Variants in CFAP54 observed in about 807,000 individuals in gnomAD.
CFAP54 encodes the protein cilia and flagella associated protein 54, also known as cilia- and flagella-associated protein 54.
Under a neutral mutation model 370.4 loss-of-function variants are expected in CFAP54, and 290 were observed. The ratio of observed to expected loss-of-function variants is 0.78; its 90% CI spans 0.71 to 0.86. The LOEUF is 0.86. Ranked by LOEUF, CFAP54 falls within the 40% of genes least tolerant of loss-of-function variation. The pLI, the probability that CFAP54 is intolerant of heterozygous loss-of-function variation, is 0.00. For synonymous variants in CFAP54, 1,206 were observed against 1,236.5 expected (o/e 0.98, Z 0.52); for missense variants, 3,399 against 3,528.7 (o/e 0.96, Z 0.93).
chr12:96,521,838 T>A lies in CFAP54; in HGVS notation c.943-19T>A. 6.8e-7 allele frequency: 1 copy of A among 1,467,068 alleles called. No homozygotes were observed. The highest frequency in any genetic ancestry group is 9.1e-7 in the Non-Finnish European group (1 of 1,093,418). 90.9% of individuals were successfully genotyped at this position (1,467,068 alleles called of 1,614,324 possible). On this transcript the variant is annotated intron_variant, in intron 6 of 67. Transcript: ENST00000524981. ...CTATATTCTGATTTATGAATTAAATTTATTTTAATCACATGTAGGCATTTG... is the reference window on the plus strand; with the variant it reads ...CTATATTCTGATTTATGAATTAAATATATTTTAATCACATGTAGGCATTTG...
intron 26 of CFAP54, among the ~76,000 whole-genome samples, chr12:96,601,817 T>G (rs902915594): frequency 5.3e-5 from 8 of 152,342 alleles, no homozygotes; most frequent in African/African-American, 1.9e-4. Flanking sequence ...CTTTATCATT[T>G]TTTATTGCAT....
At chr12:96,667,897 C>A (rs550730659) in intron 39 of CFAP54, among the ~76,000 whole-genome samples, 3 of 152,166 alleles carry the variant, frequency 2.0e-5, no homozygotes, top group Non-Finnish European at 4.4e-5. Flanking sequence ...TTAGAAATTT[C>A]TTCTGCCAGA....
At chr12:96,753,683 G>A in intron 55 of CFAP54, 60 bp from the exon 56 acceptor site, 1 of 1,526,730 alleles carries the variant, frequency 6.5e-7, no homozygotes. Context: ...GTAACTTGGA[G>A]GCTTGTTATA....
At chr12:96,586,540 T>C (rs1956077558) in intron 22 of CFAP54, among the ~76,000 whole-genome samples, 2 of 152,096 alleles carry the variant, frequency 1.3e-5, no homozygotes, top group Admixed American at 1.3e-4. Context: ...AATGGCTCTC[T>C]GGGGGAAGAG....
chr12:96,511,787 A>G (rs1955172449), intron 4 of CFAP54, among the ~76,000 whole-genome samples: 1 of 152,248 alleles, frequency 6.6e-6, no homozygotes, highest in Non-Finnish European at 1.5e-5. Flanking sequence ...CCTGGCCATC[A>G]GAAACTTAAA....
At chr12:96,635,957 T>C (rs1281848674) in intron 32 of CFAP54, among the ~76,000 whole-genome samples, 1 of 152,102 alleles carries the variant, frequency 6.6e-6, no homozygotes, top group African/African-American at 2.4e-5. Context: ...AGTTCAAGAC[T>C]TTTCATAACC....
At chr12:96,603,497 T>C (rs1168142235) in intron 26 of CFAP54, among the ~76,000 whole-genome samples, 1 of 152,230 alleles carries the variant, frequency 6.6e-6, no homozygotes, top group Non-Finnish European at 1.5e-5. Context: ...ATTTGAATGT[T>C]GGACTGCCTT....
At position 96,538,613 on chromosome 12, in the gene CFAP54, C is replaced by T. The variant is rs143500614; in HGVS notation, c.1926+95C>T. 3.9e-6 allele frequency: 5 copies of T among 1,270,824 alleles called. No individual in the cohort carries two copies. The African/African-American group carries it at 4.5e-5, about 11-fold the overall frequency. The allele number at this position is 1,270,824 out of a possible 1,614,324, so 78.7% of individuals were successfully genotyped here. On this transcript the variant is annotated intron_variant, in intron 13 of 67. Transcript: ENST00000524981. Reference sequence around the variant, plus strand: ...AAATCTAAATTTTTCCTATTTTTCACCTGGTTAATGACTTTCATTTGCATA... The same window carrying T: ...AAATCTAAATTTTTCCTATTTTTCATCTGGTTAATGACTTTCATTTGCATA...
At chr12:96,503,082 CTCTT>C (rs781188452) in intron 2 of CFAP54, among the ~76,000 whole-genome samples, 29 of 128,568 alleles carry the variant, frequency 2.3e-4, no homozygotes, top group African/African-American at 4.5e-4. Context: ...TTCTTTCTTT[CTCTT>C]TCTTTCTTTC....
At chr12:96,612,453 A>G (rs570958393) in intron 26 of CFAP54, among the ~76,000 whole-genome samples, 2 of 152,354 alleles carry the variant, frequency 1.3e-5, no homozygotes, top group East Asian at 1.9e-4. Context: ...TGTAAAGACC[A>G]TCGATGCTAG....
At chr12:96,759,453 A>G (rs1958309716) in intron 58 of CFAP54, among the ~76,000 whole-genome samples, 1 of 152,224 alleles carries the variant, frequency 6.6e-6, no homozygotes, top group African/African-American at 2.4e-5. Context: ...ATTCCTTACA[A>G]TATGATCATT....
chr12:96,790,964 A>G (rs1958685438), intron 62 of CFAP54, among the ~76,000 whole-genome samples: 1 of 152,204 alleles, frequency 6.6e-6, no homozygotes, highest in Non-Finnish European at 1.5e-5. Context: ...GTCATATTAT[A>G]TCTTGAATAG....
chr12:96,591,910 A>ATTT (rs11285595), intron 23 of CFAP54, among the ~76,000 whole-genome samples: 1 of 137,932 alleles, frequency 7.2e-6, no homozygotes. Flanking sequence ...AAAAAGAAAT[A>ATTT]TTTTTTTTTT....
At chr12:96,535,421 CA>C in intron 11 of CFAP54, 93 bp from the exon 12 acceptor site, 2 of 674,958 alleles carry the variant, frequency 3.0e-6, no homozygotes, top group East Asian at 5.5e-5. Context: ...TCATTTGTGT[CA>C]TTTTTTTAGC....
At chr12:96,506,791 TG>T (rs1592819578) in intron 3 of CFAP54, 136 bp from the exon 4 acceptor site, 1 of 622,520 alleles carries the variant, frequency 1.6e-6, no homozygotes, top group East Asian at 3.1e-5. Flanking sequence ...TTCATCATGT[TG>T]GCCAGGCTGG....
chr12:96,723,818 TCCCTCCC>T (rs1272870248), intron 50 of CFAP54, among the ~76,000 whole-genome samples: 2 of 113,022 alleles, frequency 1.8e-5, no homozygotes, highest in African/African-American at 6.8e-5. Context: ...CCTAATGCTA[TCCCTCCC>T]CCCTCCCCCC....
intron 65 of CFAP54, among the ~76,000 whole-genome samples, chr12:96,823,751 G>T (rs1279913992): frequency 6.6e-6 from 1 of 152,172 alleles, no homozygotes; most frequent in Non-Finnish European, 1.5e-5. Flanking sequence ...TGGATAAATG[G>T]TGAAAGGATT....
intron 50 of CFAP54, among the ~76,000 whole-genome samples, chr12:96,732,648 CTT>C (rs1290712783): frequency 6.6e-6 from 1 of 152,116 alleles, no homozygotes; most frequent in Non-Finnish European, 1.5e-5. Flanking sequence ...CGACGGAGCT[CTT>C]TTGGGTTCTC....
intron 15 of CFAP54, among the ~76,000 whole-genome samples, chr12:96,549,901 C>A (rs1955677415): frequency 6.6e-6 from 1 of 152,112 alleles, no homozygotes; most frequent in South Asian, 2.1e-4. Context: ...ATTCGCAATT[C>A]ATAAGTTCAC....
Sources: gnomAD v4.1 joint callset for allele counts (sites outside exome capture counted in the v4.1 genomes callset) on GRCh38, gnomAD v4.1.1 for gene constraint, MANE v1.5 for transcripts, NCBI Gene and HGNC (gene_info 2026-07-23, HGNC 2026-07-21) for gene names.